Variants in MAP2 observed in about 807,000 individuals in gnomAD.
The protein encoded by MAP2 is microtubule-associated protein 2.
Under a neutral mutation model 137.6 loss-of-function variants are expected in MAP2, and 14 were observed. The ratio of observed to expected loss-of-function variants is 0.10; its 90% CI spans 0.07 to 0.16. MAP2 has a LOEUF of 0.16. Ranked by LOEUF, MAP2 falls within the 10% of genes least tolerant of loss-of-function variation. The probability of loss-of-function intolerance (pLI) is 1.00; values close to 1 mark genes in which losing one functional copy is unlikely to be tolerated. For synonymous variants in MAP2, 786 were observed against 782.3 expected (o/e 1.00, Z -0.08); for missense variants, 2,088 against 2,191.5 (o/e 0.95, Z 0.94).
chr2:209,487,962 G>A (rs1031495543), intron 1 of MAP2, among the ~76,000 whole-genome samples: 1 of 152,218 alleles, frequency 6.6e-6, no homozygotes, highest in Non-Finnish European at 1.5e-5. Flanking sequence ...ATGACAACAA[G>A]TTTCTTTAAA....
At chr2:209,589,292 G>A (rs2078618902) in intron 3 of MAP2, among the ~76,000 whole-genome samples, 2 of 152,194 alleles carry the variant, frequency 1.3e-5, no homozygotes, top group South Asian at 4.1e-4. Context: ...ATTTGGTATA[G>A]ATGAAAATAC....
intron 5 of MAP2, among the ~76,000 whole-genome samples, chr2:209,654,963 C>G (rs1056491102): frequency 5.3e-5 from 8 of 152,044 alleles, no homozygotes; most frequent in Non-Finnish European, 1.2e-4. Context: ...CTCTCAGTGC[C>G]TGTTATGAAA....
intron 2 of MAP2, among the ~76,000 whole-genome samples, chr2:209,538,570 TG>T (rs556080422): frequency 1.3e-5 from 2 of 150,120 alleles, no homozygotes; most frequent in Admixed American, 1.3e-4. Context: ...TGTATGACTC[TG>T]GGTATAAATA....
At chr2:209,672,105 C>G (rs2049093254) in intron 5 of MAP2, among the ~76,000 whole-genome samples, 1 of 151,830 alleles carries the variant, frequency 6.6e-6, no homozygotes, top group Admixed American at 6.6e-5. Context: ...AAGAGCATGG[C>G]AATGGTGCAG....
At chr2:209,460,895 C>T (rs1451338756) in intron 1 of MAP2, among the ~76,000 whole-genome samples, 2 of 151,636 alleles carry the variant, frequency 1.3e-5, no homozygotes, top group African/African-American at 2.4e-5. Flanking sequence ...ATTACAGGCA[C>T]GCACCACCAC....
intron 1 of MAP2, among the ~76,000 whole-genome samples, chr2:209,436,487 T>C (rs924052377): frequency 6.6e-6 from 1 of 151,772 alleles, no homozygotes; most frequent in Admixed American, 6.6e-5. Context: ...ACAGTCCCAT[T>C]TGACCTTCAG....
In MAP2 at chr2:209,436,512, A is replaced by T. The variant is rs1696331035; in HGVS notation, c.-222+12236A>T. On this transcript the variant is annotated intron_variant, in intron 1 of 15. Coordinates refer to ENST00000682079, the MANE Select transcript of MAP2 (RefSeq NM_001375505.1). ...TTGACCTTCAGACTGTATTTTGTCA[A>T]CCCCTGGCATATGTTGTCATGGTTG... Among the ~76,000 whole-genome samples the T allele has an allele frequency of 2.0e-5, 3 of 151,774 alleles. No individual in the cohort carries two copies. The South Asian group carries it at 6.2e-4, about 31-fold the overall frequency.
Position 209,693,333 on chromosome 2 carries a change from T to C in MAP2, c.1163T>C (p.Met388Thr), listed in dbSNP as rs1382817967. Residue 388 changes from methionine (M) to threonine (T), a missense_variant, in exon 8 of 16, where the codon ATG (methionine) becomes ACG (threonine). Coordinates refer to ENST00000682079, the MANE Select transcript of MAP2 (RefSeq NM_001375505.1). ...GCAGAAGCACCACCCTCAGAGGCAA[T>C]GACCTTACCCAAAGATGCTCACATT... ...KMAEAPPSEA[M>T]TLPKDAHIPV... 1 of 1,613,416 alleles carries C rather than the reference T, an allele frequency of 6.2e-7. No individual in the cohort carries two copies. Among genetic ancestry groups the C allele is most frequent in the Admixed American group, 1.7e-5 (1 of 59,860 alleles).
At chr2:209,718,005 ATTAC>A (rs1201088601) in intron 13 of MAP2, among the ~76,000 whole-genome samples, 1 of 152,208 alleles carries the variant, frequency 6.6e-6, no homozygotes, top group Non-Finnish European at 1.5e-5. Context: ...GAAGAAATTT[ATTAC>A]AAGGCTTTTG....
intron 1 of MAP2, among the ~76,000 whole-genome samples, chr2:209,448,940 T>C (rs914821687): frequency 6.6e-6 from 1 of 152,198 alleles, no homozygotes; most frequent in Non-Finnish European, 1.5e-5. Context: ...TGCATACTTA[T>C]GGTACTTATG....
At chr2:209,451,457 A>G (rs969201855) in intron 1 of MAP2, among the ~76,000 whole-genome samples, 5 of 152,252 alleles carry the variant, frequency 3.3e-5, no homozygotes, top group Admixed American at 1.3e-4. Flanking sequence ...CCAGGTAAGT[A>G]GTTCAGGCCC....
At chr2:209,490,351 T>A (rs2058926822) in intron 1 of MAP2, among the ~76,000 whole-genome samples, 1 of 151,880 alleles carries the variant, frequency 6.6e-6, no homozygotes, top group African/African-American at 2.4e-5. Context: ...ATCGACACTA[T>A]GAAGAAACTG....
intron 13 of MAP2, among the ~76,000 whole-genome samples, chr2:209,723,277 T>C (rs2153807815): frequency 6.6e-6 from 1 of 152,350 alleles, no homozygotes; most frequent in Non-Finnish European, 1.5e-5. Flanking sequence ...AGTCCCAGTG[T>C]TGCTGACAAC....
chr2:209,682,239 C>T (rs1165985948), intron 7 of MAP2, among the ~76,000 whole-genome samples: 1 of 152,068 alleles, frequency 6.6e-6, no homozygotes, highest in Non-Finnish European at 1.5e-5. Flanking sequence ...GCCGGTAATC[C>T]CAGCACTTTG....
intron 3 of MAP2, among the ~76,000 whole-genome samples, chr2:209,618,208 C>T (rs905791386): frequency 1.3e-5 from 2 of 151,790 alleles, no homozygotes; most frequent in African/African-American, 4.8e-5. Flanking sequence ...ACAAAAGGAG[C>T]AGAGGAGACA....
chr2:209,690,007 A>G (rs2058371760), intron 7 of MAP2, among the ~76,000 whole-genome samples: 1 of 152,180 alleles, frequency 6.6e-6, no homozygotes, highest in African/African-American at 2.4e-5. Flanking sequence ...TTTTAAGTAA[A>G]TTTGGTGGAC....
chr2:209,572,750 A>T (rs966843821), intron 2 of MAP2, among the ~76,000 whole-genome samples: 1 of 152,192 alleles, frequency 6.6e-6, no homozygotes, highest in Non-Finnish European at 1.5e-5. Context: ...GTTTCTCAAC[A>T]TACAGATGTT....
At chr2:209,497,057 G>A (rs918836576) in intron 1 of MAP2, among the ~76,000 whole-genome samples, 2 of 152,166 alleles carry the variant, frequency 1.3e-5, no homozygotes, top group Non-Finnish European at 2.9e-5. Flanking sequence ...GCTGGGATTA[G>A]AGGTGTGAGC....
chr2:209,435,625 G>C (rs1173452676), intron 1 of MAP2, among the ~76,000 whole-genome samples: 1 of 151,622 alleles, frequency 6.6e-6, no homozygotes, highest in Non-Finnish European at 1.5e-5. Context: ...AATGGCATGA[G>C]GAATGTGATA....
Sources: gnomAD v4.1 joint callset for allele counts (sites outside exome capture counted in the v4.1 genomes callset) on GRCh38, gnomAD v4.1.1 for gene constraint, MANE v1.5 for transcripts, NCBI Gene and HGNC (gene_info 2026-07-23, HGNC 2026-07-21) for gene names.